Variants in LPP observed in about 807,000 individuals in gnomAD.
LPP encodes the protein LIM domain containing preferred translocation partner in lipoma, also known as lipoma-preferred partner.
Under a neutral mutation model 60.4 loss-of-function variants are expected in LPP, and 38 were observed. The ratio of observed to expected loss-of-function variants is 0.63; its 90% CI spans 0.49 to 0.83. The LOEUF is 0.83. Among genes scored for constraint, LPP ranks in the 40% least tolerant of loss-of-function variants. The pLI is 0.00. For synonymous variants in LPP, 328 were observed against 290.8 expected, an observed-to-expected ratio of 1.13 and a Z score of -1.30; for missense variants, 902 against 783.6, an observed-to-expected ratio of 1.15 and a Z score of -1.80.
At chr3:188,484,770 C>G in intron 5 of LPP, 66 bp downstream of exon 5, 1 of 1,126,594 alleles carries the variant, frequency 8.9e-7, no homozygotes, top group South Asian at 1.3e-5. Context: ...ATAAGCCATC[C>G]TAGGGAGCTC....
At chr3:188,282,727 A>G (rs1210340542) in intron 2 of LPP, among the ~76,000 whole-genome samples, 1 of 152,160 alleles carries the variant, frequency 6.6e-6, no homozygotes, top group Non-Finnish European at 1.5e-5. Context: ...GCCAGGCAGC[A>G]TCCTTCATGC....
intron 4 of LPP, among the ~76,000 whole-genome samples, chr3:188,473,451 G>T (rs985894226): frequency 6.6e-6 from 1 of 152,048 alleles, no homozygotes; most frequent in Non-Finnish European, 1.5e-5. Context: ...TTTCCAGAAG[G>T]TCAATGATTC....
At chr3:188,568,432 T>C (rs1388371585) in intron 6 of LPP, 1 of 152,010 alleles carries the variant, frequency 6.6e-6, no homozygotes, top group Non-Finnish European at 1.5e-5. Flanking sequence ...ACTCAACCGA[T>C]ATTGAGCATC....
intron 5 of LPP, among the ~76,000 whole-genome samples, chr3:188,499,022 TG>T (rs1215646715): frequency 6.6e-6 from 1 of 152,208 alleles, no homozygotes; most frequent in Non-Finnish European, 1.5e-5. Flanking sequence ...TTTTGAGTTT[TG>T]TAAGGTCTCT....
At chr3:188,280,734 G>T (rs1298366018) in intron 2 of LPP, among the ~76,000 whole-genome samples, 1 of 151,986 alleles carries the variant, frequency 6.6e-6, no homozygotes, top group East Asian at 1.9e-4. Flanking sequence ...GTTTTGTCTG[G>T]GTTAACCAAC....
intron 9 of LPP, among the ~76,000 whole-genome samples, chr3:188,781,817 G>A (rs541147882): frequency 1.1e-4 from 16 of 151,212 alleles, no homozygotes; most frequent in South Asian, 8.4e-4. Flanking sequence ...ACTTGAACCC[G>A]GGAGGCGGAC....
At chr3:188,530,241 G>A (rs1821798156) in intron 6 of LPP, among the ~76,000 whole-genome samples, 1 of 152,218 alleles carries the variant, frequency 6.6e-6, no homozygotes, top group South Asian at 2.1e-4. Context: ...CAGGGGGATA[G>A]CAACAGTGTT....
In LPP at chr3:188,406,264, A is replaced by AG. The variant is rs753353051; in HGVS notation, c.145dup (p.Val49GlyfsTer6). On this transcript the variant is annotated frameshift_variant, in exon 4 of 12. Coordinates refer to ENST00000617246, the MANE Select transcript of LPP (RefSeq NM_001375462.1). LOFTEE classifies it high-confidence loss of function. The stretch of plus-strand genomic sequence containing the variant: ...AGCCACCCAAAAAGTTTGCCCCGGT[A>AG]GTTGCTCCAAAACCTAAGTACAACC... 2.5e-6 allele frequency: 4 copies of AG among 1,614,166 alleles called. No individual in the cohort carries two copies. The highest frequency in any genetic ancestry group is 3.4e-6 in the Non-Finnish European group (4 of 1,180,004).
At position 188,524,701 on chromosome 3, in the gene LPP, T is replaced by C; in HGVS notation, c.343T>C (p.Ser115Pro). The change falls in exon 6 of 12, where the codon TCC (serine) becomes CCC (proline). Residue 115 changes from serine (S) to proline (P), a missense_variant. Physicochemically the swap from Ser to Pro is moderately conservative, Grantham distance 74. Transcript: ENST00000617246. ...PGGKTLEERR[S>P]SLDAEIDSLT... ...AGGCAAGACACTTGAGGAGAGGCGC[T>C]CCAGCCTGGACGCTGAGATTGACTC... 1 of 1,614,116 alleles carries C rather than the reference T, an allele frequency of 6.2e-7. No individual in the cohort carries two copies. Among genetic ancestry groups the C allele is most frequent in the Non-Finnish European group, 8.5e-7 (1 of 1,179,988 alleles).
chr3:188,309,911 T>C (rs899952784), intron 2 of LPP, among the ~76,000 whole-genome samples: 1 of 152,194 alleles, frequency 6.6e-6, no homozygotes, highest in African/African-American at 2.4e-5. Context: ...GTGAAACTTC[T>C]TGCAGACCAC....
intron 8 of LPP, among the ~76,000 whole-genome samples, chr3:188,753,621 T>G (rs936004667): frequency 4.4e-5 from 6 of 134,978 alleles, no homozygotes; most frequent in South Asian, 2.3e-4. Flanking sequence ...GTGTGTTTTG[T>G]TTTTTGTTTT....
In LPP at chr3:188,722,222, T is replaced by C. The variant is rs137866637; in HGVS notation, c.1240+13829T>C. Among the ~76,000 whole-genome samples, 516 of 152,324 alleles carry C rather than the reference T, an allele frequency of 3.4e-3. 3 individuals are homozygous for C. The highest frequency in any genetic ancestry group is 0.012 in the African/African-American group (498 of 41,576). The stretch of plus-strand genomic sequence containing the variant: ...ATGTTGAATATGATGAAGAATACCA[T>C]GCACTAAGTGTTGGGTACACTAGCA... On this transcript the variant is annotated intron_variant, in intron 8 of 11. Coordinates refer to ENST00000617246, the MANE Select transcript of LPP (RefSeq NM_001375462.1).
At chr3:188,358,865 T>C (rs1768390057) in intron 3 of LPP, among the ~76,000 whole-genome samples, 2 of 152,204 alleles carry the variant, frequency 1.3e-5, no homozygotes, top group South Asian at 4.1e-4. Context: ...CCGCAAAGAC[T>C]AGTCCAAGGA....
intron 5 of LPP, among the ~76,000 whole-genome samples, chr3:188,504,723 C>T (rs1401214388): frequency 6.6e-6 from 1 of 151,520 alleles, no homozygotes; most frequent in East Asian, 1.9e-4. Context: ...TTCTCATTTC[C>T]TCTGTTGTTT....
intron 6 of LPP, among the ~76,000 whole-genome samples, chr3:188,525,105 T>A (rs1820212759): frequency 6.6e-6 from 1 of 151,982 alleles, no homozygotes; most frequent in African/African-American, 2.4e-5. Flanking sequence ...TAGCTGGGAT[T>A]ACAGGCGCCT....
At chr3:188,662,698 C>T (rs1854854929) in intron 7 of LPP, among the ~76,000 whole-genome samples, 1 of 152,184 alleles carries the variant, frequency 6.6e-6, no homozygotes, top group South Asian at 2.1e-4. Context: ...CATCCCCTTG[C>T]AAAGCAGGCA....
intron 4 of LPP, among the ~76,000 whole-genome samples, chr3:188,473,068 T>TA (rs886727262): frequency 6.6e-6 from 1 of 152,132 alleles, no homozygotes; most frequent in African/African-American, 2.4e-5. Context: ...TATTCATCTA[T>TA]AAAAAAAGTT....
At chr3:188,201,577 C>T (rs967971023) in intron 1 of LPP, among the ~76,000 whole-genome samples, 2 of 152,108 alleles carry the variant, frequency 1.3e-5, no homozygotes, top group Non-Finnish European at 1.5e-5. Context: ...AGTGGTGGCG[C>T]ATGCCTGTAA....
chr3:188,870,365 T>C (rs918320604), intron 10 of LPP, among the ~76,000 whole-genome samples: 1 of 152,212 alleles, frequency 6.6e-6, no homozygotes, highest in Admixed American at 6.5e-5. Flanking sequence ...ACTCTTTGCA[T>C]GTATGGAGGC....
Sources: allele counts gnomAD v4.1 joint callset (sites outside exome capture counted in the v4.1 genomes callset), GRCh38; gene constraint gnomAD v4.1.1; transcripts MANE v1.5; gene names NCBI Gene and HGNC (gene_info 2026-07-23, HGNC 2026-07-21).